GRID1: variants seen among roughly 807,000 people sequenced by gnomAD.
GRID1 encodes glutamate receptor ionotropic, delta-1.
GRID1 carries 28 observed loss-of-function variants against 98.0 expected under a neutral mutation model. The observed-to-expected ratio is 0.29, with a 90% confidence interval of 0.21 to 0.39. The LOEUF is 0.39. Among genes scored for constraint, GRID1 ranks in the 10% least tolerant of loss-of-function variants. GRID1 has a pLI of 1.00. For synonymous variants in GRID1, 553 were observed against 538.5 expected, an observed-to-expected ratio of 1.03 and a Z score of -0.37; for missense variants, 1,111 against 1,340.5, an observed-to-expected ratio of 0.83 and a Z score of 2.67.
intron 8 of GRID1, among the ~76,000 whole-genome samples, chr10:85,811,720 A>ATG (rs1842673536): frequency 6.6e-6 from 1 of 152,168 alleles, no homozygotes; most frequent in African/African-American, 2.4e-5. Context: ...CATTAAGTGA[A>ATG]TAACTATTTG....
At chr10:85,922,501 C>T (rs1841719157) in intron 4 of GRID1, among the ~76,000 whole-genome samples, 1 of 152,232 alleles carries the variant, frequency 6.6e-6, no homozygotes, top group Admixed American at 6.5e-5. Context: ...ATAATGAAAG[C>T]TTGTCAGCAA....
chr10:86,158,764 T>C (rs1329139578), intron 3 of GRID1, among the ~76,000 whole-genome samples: 1 of 152,168 alleles, frequency 6.6e-6, no homozygotes, highest in Non-Finnish European at 1.5e-5. Flanking sequence ...CTATCCAATG[T>C]GGCAGCCACA....
intron 12 of GRID1, among the ~76,000 whole-genome samples, chr10:85,661,538 G>A (rs529936712): frequency 1.1e-4 from 17 of 152,284 alleles, no homozygotes; most frequent in Non-Finnish European, 2.2e-4. Context: ...AAAATGTAGT[G>A]TGCTCAGACA....
At chr10:85,821,979 G>A in intron 8 of GRID1, among the ~76,000 whole-genome samples, 1 of 152,138 alleles carries the variant, frequency 6.6e-6, no homozygotes, top group Non-Finnish European at 1.5e-5. Context: ...ACACTGGCTA[G>A]CCATAAGTAG....
At chr10:85,837,966 C>T (rs558128899) in intron 8 of GRID1, among the ~76,000 whole-genome samples, 2 of 152,094 alleles carry the variant, frequency 1.3e-5, no homozygotes, top group African/African-American at 2.4e-5. Context: ...TACAGAAGAA[C>T]ATAACTGACC....
rs1007311588 is a variant in GRID1, at chr10:85,742,218, G to T, written c.1234-12604C>A. ...TTGTTGAATCAGGAAATAAATTAAA[G>T]AACTAGTTGATGGATAGTTCTTTAA... On this transcript the variant is annotated intron_variant, in intron 8 of 15. Transcript: ENST00000327946. 1.3e-4 allele frequency among the ~76,000 whole-genome samples: 20 copies of T among 152,194 alleles called. No individual in the cohort carries two copies. The East Asian group carries it at 3.9e-3, about 29-fold the overall frequency.
intron 4 of GRID1, among the ~76,000 whole-genome samples, chr10:86,022,274 T>A (rs1174168496): frequency 6.6e-6 from 1 of 152,198 alleles, no homozygotes; most frequent in Non-Finnish European, 1.5e-5. Flanking sequence ...TACTTAAAAT[T>A]TTTTCTAATA....
chr10:85,741,497 G>A (rs1000822190), intron 8 of GRID1, among the ~76,000 whole-genome samples: 6 of 152,072 alleles, frequency 3.9e-5, no homozygotes, highest in Non-Finnish European at 7.3e-5. Context: ...ATTTTGACAA[G>A]AGTCCCAGAA....
Position 86,366,351 on chromosome 10 carries a change from C to G in GRID1, c.42G>C (p.Gln14His). The change falls in exon 1 of 16, where the codon CAG becomes CAC. Residue 14 changes from glutamine (Q) to histidine (H), a missense_variant. Coordinates refer to ENST00000327946, the MANE Select transcript of GRID1 (RefSeq NM_017551.3). The surrounding 1 kb of genome is among the most constrained non-coding windows in gnomAD (Gnocchi z 4.1). ...LTLWLLPWIC[Q>H]CVSVRADSII... The stretch of plus-strand genomic sequence containing the variant: ...TGGAGTCGGCCCGCACCGACACGCA[C>G]TGGCATATCCAGGGGAGAAGCCACA... 6.6e-7 allele frequency: 1 copy of G among 1,523,102 alleles called. No individual in the cohort carries two copies. Among genetic ancestry groups the G allele is most frequent in the Non-Finnish European group, 8.8e-7 (1 of 1,133,710 alleles). 94.3% of individuals were successfully genotyped at this position (1,523,102 alleles called of 1,614,324 possible).
rs1393421329 is a variant in GRID1 at position 86,195,532 on chromosome 10, A to G, written c.520+10832T>C. On this transcript the variant is annotated intron_variant, in intron 3 of 15. Transcript: ENST00000327946. The surrounding 1 kb of genome is among the most constrained non-coding windows in gnomAD (Gnocchi z 4.4). The stretch of plus-strand genomic sequence containing the variant: ...GTGTGAAGGAAATAAACAAATAAGC[A>G]AACAGGCAGACAATGCAACCTGAAA... Among the ~76,000 whole-genome samples the G allele has an allele frequency of 1.3e-5, 2 of 152,146 alleles. No homozygotes were observed. The highest frequency in any genetic ancestry group is 2.9e-5 in the Non-Finnish European group (2 of 67,980).
chr10:85,621,222 C>T lies in GRID1; in HGVS notation c.2194-1189G>A, dbSNP rs142123173. Among the ~76,000 whole-genome samples, 13 of 152,232 alleles carry T rather than the reference C, an allele frequency of 8.5e-5. No individual in the cohort carries two copies. In the East Asian group the frequency reaches 1.9e-3, roughly 23 times the overall value. On this transcript the variant is annotated intron_variant, in intron 13 of 15. Transcript: ENST00000327946. ...AGTGAGCACACAGACACCCCTTTGC[C>T]GCTTCTTTCCTTTTTACCATGGCTT...
At chr10:86,225,185 T>G (rs1165098140) in intron 2 of GRID1, among the ~76,000 whole-genome samples, 1 of 151,994 alleles carries the variant, frequency 6.6e-6, no homozygotes, top group Non-Finnish European at 1.5e-5. Flanking sequence ...TCCCAGCCCC[T>G]CCCAGGCCGG....
chr10:86,003,393 C>T (rs1398197907), intron 4 of GRID1, among the ~76,000 whole-genome samples: 1 of 152,222 alleles, frequency 6.6e-6, no homozygotes, highest in East Asian at 1.9e-4. Flanking sequence ...AAGAACATGT[C>T]AGCTTCTTAT....
chr10:86,099,038 C>T (rs531074137), intron 4 of GRID1, among the ~76,000 whole-genome samples: 5 of 152,320 alleles, frequency 3.3e-5, no homozygotes, highest in South Asian at 2.1e-4. Context: ...TAATGGGATT[C>T]GTAATCCCCA....
At chr10:85,978,774 T>G (rs1380169855) in intron 4 of GRID1, among the ~76,000 whole-genome samples, 3 of 152,344 alleles carry the variant, frequency 2.0e-5, no homozygotes, top group South Asian at 2.1e-4. Flanking sequence ...AGTGTGCTGA[T>G]GAAGTCCAGA....
intron 12 of GRID1, among the ~76,000 whole-genome samples, chr10:85,667,140 T>C (rs1426311162): frequency 6.6e-6 from 1 of 152,198 alleles, no homozygotes; most frequent in Non-Finnish European, 1.5e-5. Flanking sequence ...TCTGCGGTTA[T>C]GTGATTGACG....
intron 4 of GRID1, among the ~76,000 whole-genome samples, chr10:85,972,568 A>G (rs1469360839): frequency 1.3e-5 from 2 of 151,702 alleles, no homozygotes; most frequent in Middle Eastern, 6.8e-3. Context: ...TATCAGAAAT[A>G]CTTTCTCAGT....
At chr10:85,908,815 G>T (rs981980301) in intron 5 of GRID1, among the ~76,000 whole-genome samples, 4 of 152,112 alleles carry the variant, frequency 2.6e-5, no homozygotes, top group African/African-American at 7.2e-5. Flanking sequence ...GTAATCAAAA[G>T]AATGTCGGAT....
intron 12 of GRID1, among the ~76,000 whole-genome samples, chr10:85,690,408 C>T (rs992191245): frequency 6.6e-6 from 1 of 152,130 alleles, no homozygotes; most frequent in Non-Finnish European, 1.5e-5. Context: ...CAAGTTAACC[C>T]AAATATATTT....
Sources: gnomAD v4.1 joint callset for allele counts (sites outside exome capture counted in the v4.1 genomes callset) on GRCh38, gnomAD v4.1.1 for gene constraint, Gnocchi (gnomAD v3.1) non-coding constraint, MANE v1.5 for transcripts, NCBI Gene and HGNC (gene_info 2026-07-23, HGNC 2026-07-21) for gene names.